MAST4: variants seen among roughly 807,000 people sequenced by gnomAD.
The protein encoded by MAST4 is microtubule-associated serine/threonine-protein kinase 4.
In MAST4, 89 loss-of-function variants were observed where a neutral mutation model predicts 162.7. That is an observed-to-expected ratio of 0.55 (90% CI 0.46 to 0.65). MAST4 has a LOEUF of 0.65. Among genes scored for constraint, MAST4 ranks in the 30% least tolerant of loss-of-function variants. The pLI, the probability that MAST4 is intolerant of heterozygous loss-of-function variation, is 0.00. For missense variants in MAST4, 3,153 were observed against 3,374.0 expected (o/e 0.93, Z 1.62); for synonymous variants, 1,479 against 1,361.1 (o/e 1.09, Z -1.91).
intron 4 of MAST4, among the ~76,000 whole-genome samples, chr5:67,014,534 G>T (rs1345922362): frequency 6.6e-6 from 1 of 152,194 alleles, no homozygotes; most frequent in Admixed American, 6.5e-5. Context: ...TGGAATAAAA[G>T]TTGCCGTATT....
chr5:66,986,999 A>G (rs940930312), intron 4 of MAST4, among the ~76,000 whole-genome samples: 6 of 152,238 alleles, frequency 3.9e-5, no homozygotes, highest in African/African-American at 1.4e-4. Context: ...GTAAGATTAT[A>G]TAAACTTACT....
intron 4 of MAST4, among the ~76,000 whole-genome samples, chr5:66,967,610 T>C (rs1242456172): frequency 6.6e-6 from 1 of 151,446 alleles, no homozygotes; most frequent in Non-Finnish European, 1.5e-5. Context: ...ATGCAGACTG[T>C]ATTCCTGTAC....
intron 2 of MAST4, among the ~76,000 whole-genome samples, chr5:66,762,696 G>T (rs1476641526): frequency 1.3e-5 from 2 of 152,190 alleles, no homozygotes; most frequent in Admixed American, 1.3e-4. Flanking sequence ...AGTCTTACTG[G>T]TTTTTCCATC....
At chr5:67,094,708 A>G (rs1305433593) in intron 6 of MAST4, among the ~76,000 whole-genome samples, 1 of 152,070 alleles carries the variant, frequency 6.6e-6, no homozygotes, top group Non-Finnish European at 1.5e-5. Context: ...TTGCAGCAGT[A>G]TTGTTTCTAC....
At chr5:67,082,147 C>CTTTTT (rs60811351) in intron 5 of MAST4, among the ~76,000 whole-genome samples, 1 of 125,796 alleles carries the variant, frequency 7.9e-6, no homozygotes, top group Non-Finnish European at 1.6e-5. Flanking sequence ...TACCTGTAAT[C>CTTTTT]TTTTTTTTTT....
intron 4 of MAST4, among the ~76,000 whole-genome samples, chr5:66,921,301 G>A (rs574057704): frequency 2.0e-5 from 3 of 152,208 alleles, no homozygotes; most frequent in Non-Finnish European, 2.9e-5. Context: ...CAGGCCTCAT[G>A]TTCAAAGCGG....
chr5:67,078,722 A>ATCTAAATATATATT lies in MAST4; in HGVS notation c.764-11439_764-11438insCTAAATATATATTT, dbSNP rs1561620424. On this transcript the variant is annotated intron_variant, in intron 5 of 28. Coordinates refer to ENST00000403625, the MANE Select transcript of MAST4 (RefSeq NM_001164664.2). ...TTTATATATAATATTTATTTATATT[A>ATCTAAATATATATT]TATTTATATTTATCTAAATATATAT... Among the ~76,000 whole-genome samples the ATCTAAATATATATT allele has an allele frequency of 1.7e-3, 191 of 114,860 alleles. 4 individuals carry two copies. The highest frequency in any genetic ancestry group is 7.4e-3 in the African/African-American group (179 of 24,314). 75.4% of individuals were successfully genotyped at this position (114,860 alleles called of 152,430 possible).
intron 5 of MAST4, among the ~76,000 whole-genome samples, chr5:67,063,723 C>A (rs1200012283): frequency 1.3e-5 from 2 of 151,868 alleles, no homozygotes; most frequent in African/African-American, 4.8e-5. Flanking sequence ...CACAATTTTG[C>A]AGCATTTTTG....
At chr5:66,945,380 C>T (rs1294108233) in intron 4 of MAST4, among the ~76,000 whole-genome samples, 3 of 152,020 alleles carry the variant, frequency 2.0e-5, no homozygotes, top group Non-Finnish European at 2.9e-5. Flanking sequence ...AACATATTTC[C>T]CCACGGAAAT....
intron 1 of MAST4, among the ~76,000 whole-genome samples, chr5:66,646,696 T>C (rs1745862440): frequency 6.6e-6 from 1 of 152,218 alleles, no homozygotes; most frequent in Non-Finnish European, 1.5e-5. Context: ...GTTTCACTTA[T>C]TTCTCAGCTT....
At chr5:67,077,912 C>T (rs1761859341) in intron 5 of MAST4, among the ~76,000 whole-genome samples, 3 of 152,048 alleles carry the variant, frequency 2.0e-5, no homozygotes, top group Admixed American at 2.0e-4. Context: ...CCAGCCTGAC[C>T]AACATGGTGA....
chr5:66,957,445 G>C (rs1339025398), intron 4 of MAST4, among the ~76,000 whole-genome samples: 1 of 151,976 alleles, frequency 6.6e-6, no homozygotes, highest in Non-Finnish European at 1.5e-5. Context: ...TGAGTAGCTG[G>C]GATCCATTAT....
intron 5 of MAST4, among the ~76,000 whole-genome samples, chr5:67,078,911 A>AATAAATAT (rs1227485756): frequency 0.1 from 3,787 of 37,814 alleles, 524 homozygotes; most frequent in Admixed American, 0.14. Context: ...TTTTTATATA[A>AATAAATAT]ATATATATAT....
intron 1 of MAST4, among the ~76,000 whole-genome samples, chr5:66,689,789 T>A (rs985239787): frequency 6.6e-6 from 1 of 152,194 alleles, no homozygotes; most frequent in African/African-American, 2.4e-5. Flanking sequence ...AAACGTACAG[T>A]GCCTGGTAGT....
intron 4 of MAST4, among the ~76,000 whole-genome samples, chr5:66,956,839 C>T (rs1020243129): frequency 3.9e-5 from 6 of 151,936 alleles, no homozygotes; most frequent in Non-Finnish European, 5.9e-5. Context: ...TATGTGGTCA[C>T]CAAGGTGTAG....
At chr5:66,916,052 A>G (rs1403408658) in intron 4 of MAST4, among the ~76,000 whole-genome samples, 1 of 152,222 alleles carries the variant, frequency 6.6e-6, no homozygotes, top group African/African-American at 2.4e-5. Context: ...AAACAGATCC[A>G]GAAAAAGAAT....
chr5:66,788,607 C>CCAAACAAAAAAAAAAAAAAA, intron 2 of MAST4, 63 bp from the exon 3 acceptor site: 8 of 1,373,694 alleles, frequency 5.8e-6, no homozygotes, highest in Non-Finnish European at 8.1e-6. Flanking sequence ...CCCCCACCCC[C>CCAAACAAAAAAAAAAAAAAA]ATTGCAATAA....
intron 1 of MAST4, among the ~76,000 whole-genome samples, chr5:66,637,363 A>G (rs1405368019): frequency 2.6e-4 from 40 of 152,098 alleles, no homozygotes; most frequent in Admixed American, 2.6e-3. Context: ...GACAAAGAGT[A>G]GATACGTTTT....
At chr5:66,640,189 T>G (rs1317118240) in intron 1 of MAST4, among the ~76,000 whole-genome samples, 1 of 152,226 alleles carries the variant, frequency 6.6e-6, no homozygotes, top group Non-Finnish European at 1.5e-5. Flanking sequence ...GTGTCTGGCT[T>G]TCTTCATTTA....
Sources: gnomAD v4.1 joint callset for allele counts (sites outside exome capture counted in the v4.1 genomes callset) on GRCh38, gnomAD v4.1.1 for gene constraint, MANE v1.5 for transcripts, NCBI Gene and HGNC (gene_info 2026-07-23, HGNC 2026-07-21) for gene names.